The following DBH variants were observed in gnomAD, a reference collection of about 807,000 sequenced individuals.
DBH encodes the protein dopamine beta-hydroxylase (dopamine beta-monooxygenase).
In DBH, 49 loss-of-function variants were observed where a neutral mutation model predicts 64.0. That is an observed-to-expected ratio of 0.77 (90% CI 0.61 to 0.97). DBH has a LOEUF of 0.97. Among genes scored for constraint, DBH ranks in the 50% least tolerant of loss-of-function variants. The pLI is 0.00. For missense variants in DBH, 828 were observed against 826.6 expected (o/e 1.00, Z -0.02); for synonymous variants, 343 against 347.1 (o/e 0.99, Z 0.13).
At chr9:133,644,140 G>A in intron 4 of DBH, 78 bp from the exon 5 acceptor site, 1 of 1,078,928 alleles carries the variant, frequency 9.3e-7, no homozygotes, top group Non-Finnish European at 1.4e-6. Context: ...GGCCCCAACA[G>A]TTGACTGGGT....
intron 9 of DBH, 88 bp downstream of exon 9, chr9:133,653,087 C>G: frequency 2.0e-6 from 2 of 1,017,658 alleles, no homozygotes; most frequent in Non-Finnish European, 3.1e-6. Context: ...CTTGACTCCT[C>G]ACTTAGGGCA....
chr9:133,639,976 A>G lies in DBH; in HGVS notation c.470A>G (p.Lys157Arg), dbSNP rs760684018. 2 of 1,613,850 alleles carry G rather than the reference A, an allele frequency of 1.2e-6. No homozygotes were observed. Among genetic ancestry groups the G allele is most frequent in the Non-Finnish European group, 1.7e-6 (2 of 1,180,002 alleles). The change falls in exon 2 of 12, where the codon AAG becomes AGG. Residue 157 changes from lysine (K) to arginine (R), a missense_variant. Transcript: ENST00000393056. ...FKRPFGTCDPKDYLIEDGTVH... is the reference protein window; with the variant it reads ...FKRPFGTCDPRDYLIEDGTVH... Reference sequence around the variant, plus strand: ...AGGCCCTTTGGCACCTGCGACCCCAAGGATTACCTCATTGAAGTAAGGGGT... The same window carrying G: ...AGGCCCTTTGGCACCTGCGACCCCAGGGATTACCTCATTGAAGTAAGGGGT...
intron 6 of DBH, 152 bp from the exon 7 acceptor site, chr9:133,651,482 C>A: frequency 1.0e-6 from 1 of 971,566 alleles, no homozygotes; most frequent in Non-Finnish European, 1.5e-6. Flanking sequence ...CTGATGGTGG[C>A]TCTAACCTGG....
chr9:133,641,581 C>T (rs1832116854), intron 2 of DBH, among the ~76,000 whole-genome samples: 1 of 152,220 alleles, frequency 6.6e-6, no homozygotes, highest in Admixed American at 6.5e-5. Context: ...AGGCACTTTC[C>T]ACACCCGATC....
intron 2 of DBH, among the ~76,000 whole-genome samples, chr9:133,640,195 C>T (rs1832102344): frequency 6.6e-6 from 1 of 152,194 alleles, no homozygotes; most frequent in Non-Finnish European, 1.5e-5. Flanking sequence ...CTGCTATTGC[C>T]CCTGAGCCCT....
Position 133,658,468 on chromosome 9 carries a change from C to G in DBH, c.*21C>G, listed in dbSNP as rs535655680. 286 of 1,591,878 alleles carry G rather than the reference C, an allele frequency of 1.8e-4. 2 individuals carry two copies. The highest frequency in any genetic ancestry group is 2.1e-4 in the Non-Finnish European group (242 of 1,167,320). On this transcript the variant is annotated 3_prime_UTR_variant, in exon 12 of 12. Coordinates refer to ENST00000393056, the MANE Select transcript of DBH (RefSeq NM_000787.4). Reference sequence around the variant, plus strand: ...GCTGAGGGGGGACCTACTCCTCCCCCTCCTCCATGCTGTCCCTGTGGGCTC... The same window carrying G: ...GCTGAGGGGGGACCTACTCCTCCCCGTCCTCCATGCTGTCCCTGTGGGCTC...
chr9:133,651,579 C>A, intron 6 of DBH, 55 bp from the exon 7 acceptor site: 2 of 1,609,220 alleles, frequency 1.2e-6, no homozygotes, highest in South Asian at 1.1e-5. Flanking sequence ...TGGCCATGGA[C>A]GGGAGGGTCC....
intron 9 of DBH, chr9:133,655,542 C>G (rs1832305949): frequency 6.6e-6 from 1 of 152,322 alleles, no homozygotes; most frequent in African/African-American, 2.4e-5. Flanking sequence ...CAGAACTGTC[C>G]CATGCTCTTT....
At position 133,651,719 on chromosome 9, in the gene DBH, G is replaced by A. The variant is rs201917164; in HGVS notation, c.1277G>A (p.Arg426Gln). ...TGRKVVTVLV[R>Q]DGREWEIVNQ... ...AGAAAGGTGGTCACAGTGCTGGTCCGGGACGGCCGGGAGTGGGAGATCGTG... is the reference window on the plus strand; with the variant it reads ...AGAAAGGTGGTCACAGTGCTGGTCCAGGACGGCCGGGAGTGGGAGATCGTG... The change falls in exon 7 of 12, where the codon CGG (arginine) becomes CAG (glutamine). Residue 426 changes from arginine to glutamine, a missense_variant. By Grantham distance (43) the Arg-to-Gln change is conservative. Transcript: ENST00000393056. The A allele has an allele frequency of 1.1e-4, 177 of 1,613,846 alleles. No individual in the cohort carries two copies. The East Asian group carries it at 3.2e-3, about 29-fold the overall frequency.
chr9:133,650,470 C>CTT (rs1385105776), intron 6 of DBH, among the ~76,000 whole-genome samples: 2,770 of 146,674 alleles, frequency 0.019, 95 homozygotes, highest in African/African-American at 0.069. Context: ...TTTTCTTTTT[C>CTT]TTTCTTTTTC....
Position 133,651,738 on chromosome 9 carries a change from G to C in DBH, c.1296G>C (p.Glu432Asp). 1 of 1,613,528 alleles carries C rather than the reference G, an allele frequency of 6.2e-7. No individual in the cohort carries two copies. Among genetic ancestry groups the C allele is most frequent in the Non-Finnish European group, 8.5e-7 (1 of 1,179,876 alleles). The change falls in exon 7 of 12, where the codon GAG becomes GAC. Residue 432 changes from glutamate (E) to aspartate (D), a missense_variant. Coordinates refer to ENST00000393056, the MANE Select transcript of DBH (RefSeq NM_000787.4). Reference protein sequence around the residue: ...TVLVRDGREWEIVNQDNHYSP... With the variant: ...TVLVRDGREWDIVNQDNHYSP... ...TGGTCCGGGACGGCCGGGAGTGGGA[G>C]ATCGTGAACCAGGACAATCACTACA...
Position 133,657,436 on chromosome 9 carries a change from GA to G in DBH, c.1722+208del. The G allele has an allele frequency of 2.5e-5, 12 of 480,610 alleles. No individual in the cohort carries two copies. The Admixed American group carries it at 3.9e-4, about 16-fold the overall frequency. The allele number at this position is 480,610 out of a possible 1,614,324, so 29.8% of individuals were successfully genotyped here. ...GAGAGGAGAGAGAGGAGAGAGAGGA[GA>G]GAGAGGAGAGAGAGGAGAGAGGGAG... On this transcript the variant is annotated intron_variant, in intron 11 of 11. Transcript: ENST00000393056.
At chr9:133,638,049 C>T (rs866602158) in intron 1 of DBH, among the ~76,000 whole-genome samples, 6 of 152,240 alleles carry the variant, frequency 3.9e-5, no homozygotes, top group Non-Finnish European at 8.8e-5. Context: ...AGCATTTGCT[C>T]CTCTCTGGGG....
Position 133,658,678 on chromosome 9 carries a change from C to T in DBH, c.*231C>T. 2.2e-6 allele frequency: 1 copy of T among 444,462 alleles called. No individual in the cohort carries two copies. Among genetic ancestry groups the T allele is most frequent in the Non-Finnish European group, 3.9e-6 (1 of 255,172 alleles). 27.5% of individuals were successfully genotyped at this position (444,462 alleles called of 1,614,324 possible). On this transcript the variant is annotated 3_prime_UTR_variant, in exon 12 of 12. Coordinates refer to ENST00000393056, the MANE Select transcript of DBH (RefSeq NM_000787.4). ...TTGACCTACCCTGGACCGAGTGGAC[C>T]ACGACCTCGTCCATTTAAACCCGGC...
rs768907192 is a variant in DBH, at chr9:133,651,594, G to A, written c.1192-40G>A. The A allele has an allele frequency of 1.6e-5, 25 of 1,611,372 alleles. No homozygotes were observed. The Admixed American group carries it at 1.7e-4, about 11-fold the overall frequency. The stretch of plus-strand genomic sequence containing the variant: ...TGGCCATGGACGGGAGGGTCCCCTC[G>A]GGGGTCAGGCCCTGACACTGCAGCC... On this transcript the variant is annotated intron_variant, in intron 6 of 11. Transcript: ENST00000393056.
At position 133,639,912 on chromosome 9, in the gene DBH, G is replaced by A. The variant is rs1428988947; in HGVS notation, c.406G>A (p.Val136Met). Residue 136 changes from valine to methionine, a missense_variant, in exon 2 of 12, where the codon GTG (valine) becomes ATG (methionine). By Grantham distance (21) the Val-to-Met change is conservative (BLOSUM62 1). Coordinates refer to ENST00000393056, the MANE Select transcript of DBH (RefSeq NM_000787.4). ...CCAGCAGGACTACCAGCTGCTGCAGGTGCAGAGGACCCCAGAAGGCCTGAC... is the reference window on the plus strand; with the variant it reads ...CCAGCAGGACTACCAGCTGCTGCAGATGCAGAGGACCCCAGAAGGCCTGAC... ...DPQQDYQLLQ[V>M]QRTPEGLTLL... 1 of 1,613,584 alleles carries A rather than the reference G, an allele frequency of 6.2e-7. No homozygotes were observed. Among genetic ancestry groups the A allele is most frequent in the Admixed American group, 1.7e-5 (1 of 59,994 alleles).
intron 11 of DBH, among the ~76,000 whole-genome samples, chr9:133,657,508 GA>G (rs1832350095): frequency 1.3e-5 from 2 of 148,574 alleles, no homozygotes; most frequent in Non-Finnish European, 3.0e-5. Flanking sequence ...GAGAGAGAGA[GA>G]GAGAGAGAGG....
At chr9:133,646,056 C>T (rs368844244) in intron 5 of DBH, among the ~76,000 whole-genome samples, 10 of 152,148 alleles carry the variant, frequency 6.6e-5, no homozygotes, top group Admixed American at 1.3e-4. Flanking sequence ...CCCCAGCTCC[C>T]GGCTCCAAGT....
intron 11 of DBH, among the ~76,000 whole-genome samples, 190 bp from the exon 12 acceptor site, chr9:133,658,126 A>T (rs1832359223): frequency 6.6e-6 from 1 of 150,860 alleles, no homozygotes; most frequent in Non-Finnish European, 1.5e-5. Flanking sequence ...GGTGAATGGG[A>T]AGCCAGGGGA....
Sources: gnomAD v4.1 joint callset for allele counts (sites outside exome capture counted in the v4.1 genomes callset) on GRCh38, gnomAD v4.1.1 for gene constraint, MANE v1.5 for transcripts, NCBI Gene and HGNC (gene_info 2026-07-23, HGNC 2026-07-21) for gene names.